The following HIVEP3 variants were observed in gnomAD, a reference collection of about 807,000 sequenced individuals.
HIVEP3 encodes the protein HIVEP zinc finger 3, also known as transcription factor HIVEP3.
Under a neutral mutation model 152.8 loss-of-function variants are expected in HIVEP3, and 49 were observed. The observed-to-expected ratio is 0.32, with a 90% CI of 0.26 to 0.41. The LOEUF (loss-of-function observed/expected upper bound fraction) is 0.41, where lower values mean the gene tolerates loss of function less well. Ranked by LOEUF, HIVEP3 falls within the 10% of genes least tolerant of loss-of-function variation. The pLI is 1.00. For synonymous variants in HIVEP3, 1,269 were observed against 1,289.0 expected (o/e 0.98, Z 0.33); for missense variants, 2,790 against 3,103.3 (o/e 0.90, Z 2.40).
chr1:42,014,578 C>T (rs1301865597), intron 1 of HIVEP3, among the ~76,000 whole-genome samples: 1 of 152,114 alleles, frequency 6.6e-6, no homozygotes, highest in Admixed American at 6.5e-5. Flanking sequence ...AAATAACCTC[C>T]TCTATTGTAG....
intron 2 of HIVEP3, among the ~76,000 whole-genome samples, chr1:41,656,326 C>A (rs569787523): frequency 6.6e-6 from 1 of 152,328 alleles, no homozygotes; most frequent in East Asian, 1.9e-4. Context: ...ATCCCTCAGG[C>A]CAGCCTGCAG....
chr1:41,574,921 CTG>C (rs1644304342), intron 5 of HIVEP3, among the ~76,000 whole-genome samples: 1 of 152,236 alleles, frequency 6.6e-6, no homozygotes, highest in Non-Finnish European at 1.5e-5. Flanking sequence ...GTCCCTGAAG[CTG>C]TGAGCTCTGA....
Position 41,785,267 on chromosome 1 carries a change from G to T in HIVEP3, c.-800-84272C>A, listed in dbSNP as rs534216380. Among the ~76,000 whole-genome samples the T allele has an allele frequency of 3.3e-5, 5 of 152,202 alleles. No homozygotes were observed. The South Asian group carries it at 1.0e-3, about 32-fold the overall frequency. On this transcript the variant is annotated intron_variant, in intron 1 of 8. Coordinates refer to ENST00000372583, the MANE Select transcript of HIVEP3 (RefSeq NM_024503.5). The stretch of plus-strand genomic sequence containing the variant: ...AAGGCCCTTCTGTATGAGAAAAGTT[G>T]TTTTCAGTTTTCCTCTCTGCCCATC...
chr1:42,025,196 ATT>A (rs1444460215), intron 1 of HIVEP3, among the ~76,000 whole-genome samples: 1 of 151,948 alleles, frequency 6.6e-6, no homozygotes, highest in African/African-American at 2.4e-5. Flanking sequence ...TCTCTGTCAC[ATT>A]TTTTGTCTTT....
At chr1:41,835,125 T>C (rs570300194) in intron 1 of HIVEP3, among the ~76,000 whole-genome samples, 108 of 152,348 alleles carry the variant, frequency 7.1e-4, no homozygotes, top group African/African-American at 2.6e-3. Flanking sequence ...TCCAAGGAAA[T>C]GTAAGTACAT....
At chr1:41,738,876 A>G (rs978193394) in intron 1 of HIVEP3, among the ~76,000 whole-genome samples, 1 of 152,230 alleles carries the variant, frequency 6.6e-6, no homozygotes, top group Non-Finnish European at 1.5e-5. Flanking sequence ...GAAAACTCCC[A>G]CATCAGCACT....
At chr1:41,900,433 T>C (rs1163107069) in intron 1 of HIVEP3, among the ~76,000 whole-genome samples, 1 of 152,200 alleles carries the variant, frequency 6.6e-6, no homozygotes, top group Non-Finnish European at 1.5e-5. Flanking sequence ...GTATTTTGCA[T>C]CAACAGGTTT....
intron 5 of HIVEP3, among the ~76,000 whole-genome samples, chr1:41,565,674 G>T (rs1015369008): frequency 6.6e-6 from 1 of 152,116 alleles, no homozygotes; most frequent in Non-Finnish European, 1.5e-5. Flanking sequence ...TGATTCCCCA[G>T]GACAGAAACA....
At chr1:41,554,889 T>C (rs1643941186) in intron 5 of HIVEP3, among the ~76,000 whole-genome samples, 1 of 152,132 alleles carries the variant, frequency 6.6e-6, no homozygotes, top group African/African-American at 2.4e-5. Context: ...GACACCCGCC[T>C]GTATGAGGTG....
chr1:41,805,761 T>A (rs973021084), intron 1 of HIVEP3, among the ~76,000 whole-genome samples: 24 of 152,212 alleles, frequency 1.6e-4, no homozygotes, highest in African/African-American at 5.8e-4. Context: ...AAGCTATGAA[T>A]GGACGGGAAG....
At chr1:41,521,078 G>C (rs2149050551) in intron 6 of HIVEP3, among the ~76,000 whole-genome samples, 1 of 152,294 alleles carries the variant, frequency 6.6e-6, no homozygotes, top group African/African-American at 2.4e-5. Context: ...TGTGGGCTCT[G>C]CCACTTGCCA....
At chr1:41,893,931 GTCTT>G (rs1014565356) in intron 1 of HIVEP3, among the ~76,000 whole-genome samples, 4 of 147,080 alleles carry the variant, frequency 2.7e-5, no homozygotes, top group African/African-American at 1.0e-4. Flanking sequence ...TATATAAATT[GTCTT>G]TCTGAGACGA....
In HIVEP3 at chr1:41,584,339, G is replaced by C. The variant is rs933150662; in HGVS notation, c.459C>G (p.Pro153=). The stretch of plus-strand genomic sequence containing the variant: ...TGGGGACTCCAGGAAGGTCCTCGGG[G>C]GGAATGATGGAAGCGTGGGAAGGAA... ...QLLPSHASII[P]PEDLPGVPKV... is the part of the protein sequence containing the mutation. Residue 153 remains proline, a synonymous_variant, in exon 4 of 9, where the codon CCC becomes CCG. Transcript: ENST00000372583. The surrounding 1 kb of genome is among the most constrained non-coding windows in gnomAD (Gnocchi z 5.2). 1 of 1,613,950 alleles carries C rather than the reference G, an allele frequency of 6.2e-7. No homozygotes were observed. Among genetic ancestry groups the C allele is most frequent in the African/African-American group, 1.3e-5 (1 of 75,020 alleles).
chr1:41,993,177 T>C (rs551285133), intron 1 of HIVEP3, among the ~76,000 whole-genome samples: 2,462 of 149,754 alleles, frequency 0.016, 45 homozygotes, highest in African/African-American at 0.057. Context: ...AGAGCTTCTG[T>C]ACAGCAAAAG....
intron 1 of HIVEP3, among the ~76,000 whole-genome samples, chr1:42,001,539 T>C (rs1452732914): frequency 6.6e-6 from 1 of 152,172 alleles, no homozygotes; most frequent in Non-Finnish European, 1.5e-5. Context: ...GCTGAAAGAC[T>C]AGATTCAAGG....
intron 1 of HIVEP3, among the ~76,000 whole-genome samples, chr1:42,019,462 C>T (rs1417360159): frequency 6.6e-6 from 1 of 151,970 alleles, no homozygotes; most frequent in Non-Finnish European, 1.5e-5. Flanking sequence ...ATCTCTGTCA[C>T]ATTTATTCCT....
At chr1:41,650,776 C>T (rs937061773) in intron 2 of HIVEP3, among the ~76,000 whole-genome samples, 1 of 152,124 alleles carries the variant, frequency 6.6e-6, no homozygotes, top group Non-Finnish European at 1.5e-5. Context: ...TTGTCCTAAA[C>T]ATATTACACA....
intron 2 of HIVEP3, among the ~76,000 whole-genome samples, chr1:41,696,416 G>A (rs1301421202): frequency 6.6e-6 from 1 of 152,274 alleles, no homozygotes; most frequent in Non-Finnish European, 1.5e-5. Context: ...GCTGGCGGGT[G>A]ACGAGGCACA....
intron 3 of HIVEP3, among the ~76,000 whole-genome samples, chr1:41,595,465 C>T (rs200149936): frequency 2.6e-5 from 4 of 152,054 alleles, no homozygotes; most frequent in Non-Finnish European, 5.9e-5. Flanking sequence ...TGGGACATGC[C>T]GAGAAAGGAG....
Sources: allele counts gnomAD v4.1 joint callset (sites outside exome capture counted in the v4.1 genomes callset), GRCh38; gene constraint gnomAD v4.1.1; non-coding constraint Gnocchi (gnomAD v3.1); transcripts MANE v1.5; gene names NCBI Gene and HGNC (gene_info 2026-07-23, HGNC 2026-07-21).